The following DNAH9 variants were observed in gnomAD, a reference collection of about 807,000 sequenced individuals.
DNAH9 encodes the protein dynein axonemal heavy chain 9, also known as DNAH9 variant protein.
Under a neutral mutation model 471.6 loss-of-function variants are expected in DNAH9, and 345 were observed. That is an observed-to-expected ratio of 0.73 (90% confidence interval 0.67 to 0.80). The LOEUF is 0.80. Among genes scored for constraint, DNAH9 ranks in the 30% least tolerant of loss-of-function variants. The pLI, the probability that DNAH9 is intolerant of heterozygous loss-of-function variation, is 0.00. For missense variants in DNAH9, 5,407 were observed against 5,609.2 expected (o/e 0.96, Z 1.15); for synonymous variants, 2,093 against 2,123.6 (o/e 0.99, Z 0.40).
At chr17:11,663,035 G>T (rs996411249) in intron 14 of DNAH9, among the ~76,000 whole-genome samples, 2 of 151,718 alleles carry the variant, frequency 1.3e-5, no homozygotes, top group Non-Finnish European at 2.9e-5. Context: ...GATTACAGGC[G>T]TGAGCCACCG....
At position 11,733,860 on chromosome 17, in the gene DNAH9, CAAAAAAA is replaced by C. The variant is rs57515310; in HGVS notation, c.5815-5007_5815-5001del. Among the ~76,000 whole-genome samples, 371 of 113,142 alleles carry C rather than the reference CAAAAAAA, an allele frequency of 3.3e-3. 3 individuals carry two copies. The highest frequency in any genetic ancestry group is 0.012 in the African/African-American group (340 of 27,202). 74.2% of individuals were successfully genotyped at this position (113,142 alleles called of 152,430 possible). A position where few individuals can be genotyped will look rare whatever the true frequency, so the allele number is the denominator to read the frequency against. On this transcript the variant is annotated intron_variant, in intron 28 of 68. Coordinates refer to ENST00000262442, the MANE Select transcript of DNAH9 (RefSeq NM_001372.4). ...TGGGCAACAGAGCAAGACTCCATCT[CAAAAAAA>C]AAAAAAAAAAAAGTAAAACCTGGGC...
Position 11,781,040 on chromosome 17 carries a change from T to C in DNAH9, c.7584T>C (p.Ala2528=). 6.2e-7 allele frequency: 1 copy of C among 1,614,148 alleles called. No individual in the cohort carries two copies. Among genetic ancestry groups the C allele is most frequent in the Non-Finnish European group, 8.5e-7 (1 of 1,180,008 alleles). ...AVLEKPLEKK[A]GRNYGPPGNK... ...TGGAGAAGCCTCTGGAAAAGAAGGC[T>C]GGCAGAAACTATGGCCCTCCAGGGA... is the stretch of plus-strand genomic sequence containing the variant. The change falls in exon 39 of 69, where the codon GCT becomes GCC. Residue 2528 remains alanine (A), a synonymous_variant. Coordinates refer to ENST00000262442, the MANE Select transcript of DNAH9 (RefSeq NM_001372.4).
intron 61 of DNAH9, among the ~76,000 whole-genome samples, chr17:11,915,013 T>G (rs1043063662): frequency 2.0e-5 from 3 of 152,206 alleles, no homozygotes; most frequent in African/African-American, 7.2e-5. Flanking sequence ...TTAGTTCTAT[T>G]GATTCCACCT....
At chr17:11,805,804 T>C (rs1260151172) in intron 43 of DNAH9, among the ~76,000 whole-genome samples, 2 of 152,116 alleles carry the variant, frequency 1.3e-5, no homozygotes, top group East Asian at 3.9e-4. Context: ...CCCCCCACCT[T>C]GGCTTCCCAA....
intron 50 of DNAH9, among the ~76,000 whole-genome samples, chr17:11,861,950 A>AT (rs1406616548): frequency 1.3e-5 from 2 of 150,574 alleles, no homozygotes; most frequent in Non-Finnish European, 3.0e-5. Flanking sequence ...GGTTGCAAAA[A>AT]TTTTCTCCCA....
intron 22 of DNAH9, among the ~76,000 whole-genome samples, chr17:11,694,757 C>T (rs374839827): frequency 0.011 from 27 of 2,564 alleles, 6 homozygotes; most frequent in African/African-American, 0.014. Context: ...TCTTTCCTTC[C>T]TTCCTTCCTT....
In DNAH9 at chr17:11,704,453, A is replaced by G. The variant is rs368185091; in HGVS notation, c.5391+11A>G. 27 of 1,611,588 alleles carry G rather than the reference A, an allele frequency of 1.7e-5. No homozygotes were observed. In the African/African-American group the frequency reaches 1.7e-4, roughly 10 times the overall value. On this transcript the variant is annotated intron_variant, in intron 25 of 68. Coordinates refer to ENST00000262442, the MANE Select transcript of DNAH9 (RefSeq NM_001372.4). Reference sequence around the variant, plus strand: ...ATGATTGCTCAGAAGGTGGGTCCCAAACATCCAGGGATGCCCACTTTTGTG... The same window carrying G: ...ATGATTGCTCAGAAGGTGGGTCCCAGACATCCAGGGATGCCCACTTTTGTG...
In DNAH9 at chr17:11,918,633, C is replaced by T. The variant is rs371232707; in HGVS notation, c.11750-5181C>T. Among the ~76,000 whole-genome samples the T allele has an allele frequency of 9.2e-5, 14 of 152,100 alleles. 1 individual carries two copies. Among genetic ancestry groups the T allele is most frequent in the African/African-American group, 3.1e-4 (13 of 41,484 alleles). ...TGGAGTATTGTTTTTTTGTGGTGAGCGAAACTGATTTGTGCATGTGCTGGG... is the reference window on the plus strand; with the variant it reads ...TGGAGTATTGTTTTTTTGTGGTGAGTGAAACTGATTTGTGCATGTGCTGGG... On this transcript the variant is annotated intron_variant, in intron 61 of 68. Coordinates refer to ENST00000262442, the MANE Select transcript of DNAH9 (RefSeq NM_001372.4).
intron 61 of DNAH9, among the ~76,000 whole-genome samples, chr17:11,922,052 A>G (rs1267385375): frequency 6.6e-6 from 1 of 152,240 alleles, no homozygotes; most frequent in Non-Finnish European, 1.5e-5. Flanking sequence ...CAAAGCTGAC[A>G]TCAAATGTTT....
chr17:11,637,866 G>A (rs146957021), intron 9 of DNAH9, among the ~76,000 whole-genome samples: 4 of 152,174 alleles, frequency 2.6e-5, no homozygotes, highest in Non-Finnish European at 4.4e-5. Flanking sequence ...AAGATGCATC[G>A]TGAGTGGGAG....
At chr17:11,737,366 G>A (rs2075365259) in intron 28 of DNAH9, among the ~76,000 whole-genome samples, 1 of 108,298 alleles carries the variant, frequency 9.2e-6, no homozygotes, top group Admixed American at 1.4e-4. Flanking sequence ...CAACCCTACA[G>A]CCCCATTTCC....
chr17:11,625,417 T>C (rs2072951907), intron 6 of DNAH9, among the ~76,000 whole-genome samples: 1 of 152,226 alleles, frequency 6.6e-6, no homozygotes, highest in Non-Finnish European at 1.5e-5. Context: ...TCTTCCCTTT[T>C]AGCCCGGCTT....
Position 11,809,087 on chromosome 17 carries a change from C to G in DNAH9, c.8584-1159C>G, listed in dbSNP as rs141431718. On this transcript the variant is annotated intron_variant, in intron 44 of 68. Coordinates refer to ENST00000262442, the MANE Select transcript of DNAH9 (RefSeq NM_001372.4). ...ATGGCTGAGCTTGGGGAGGTTGATACACCAAAGGAACTGAGATTGATCAAG... is the reference window on the plus strand; with the variant it reads ...ATGGCTGAGCTTGGGGAGGTTGATAGACCAAAGGAACTGAGATTGATCAAG... Among the ~76,000 whole-genome samples, 9 of 152,262 alleles carry G rather than the reference C, an allele frequency of 5.9e-5. 1 individual carries two copies. Among genetic ancestry groups the G allele is most frequent in the African/African-American group, 2.2e-4 (9 of 41,534 alleles).
intron 6 of DNAH9, chr17:11,620,051 A>G: frequency 2.2e-6 from 1 of 444,484 alleles, no homozygotes; most frequent in South Asian, 2.7e-5. Context: ...TCTCTACAAA[A>G]AATACAACAA....
chr17:11,636,515 C>A, intron 8 of DNAH9, 119 bp from the exon 9 acceptor site: 1 of 698,556 alleles, frequency 1.4e-6, no homozygotes, highest in Non-Finnish European at 2.5e-6. Context: ...CACAATAACA[C>A]TGTTCACTCT....
Position 11,690,470 on chromosome 17 carries a change from C to A in DNAH9, c.4614+34C>A, listed in dbSNP as rs370359639. 20 of 1,591,192 alleles carry A rather than the reference C, an allele frequency of 1.3e-5. No homozygotes were observed. In the African/African-American group the frequency reaches 2.3e-4, roughly 18 times the overall value. On this transcript the variant is annotated intron_variant, in intron 20 of 68. Coordinates refer to ENST00000262442, the MANE Select transcript of DNAH9 (RefSeq NM_001372.4). ...TAAGGAAATCTAGAATCTCTCTATT[C>A]TCTGATCCAGGGTGAAGGGAAGGTC... is the stretch of plus-strand genomic sequence containing the variant.
At chr17:11,651,358 A>G (rs767393964) in intron 13 of DNAH9, 34 bp downstream of exon 13, 15 of 1,587,330 alleles carry the variant, frequency 9.4e-6, no homozygotes, top group Admixed American at 3.5e-5. Context: ...TGACAAAAAC[A>G]TGGAGATTCG....
At chr17:11,705,859 G>A (rs1338890276) in intron 26 of DNAH9, among the ~76,000 whole-genome samples, 8 of 152,072 alleles carry the variant, frequency 5.3e-5, no homozygotes, top group Non-Finnish European at 1.0e-4. Context: ...TGTCAAATAT[G>A]TATCAATTTA....
At chr17:11,822,411 G>A (rs1480596019) in intron 46 of DNAH9, 27 bp from the exon 47 acceptor site, 7 of 1,613,272 alleles carry the variant, frequency 4.3e-6, no homozygotes, top group Non-Finnish European at 5.9e-6. Context: ...TGCCTTCCTG[G>A]TTCTCCCCAC....
Sources: gnomAD v4.1 joint callset for allele counts (sites outside exome capture counted in the v4.1 genomes callset) on GRCh38, gnomAD v4.1.1 for gene constraint, MANE v1.5 for transcripts, NCBI Gene and HGNC (gene_info 2026-07-23, HGNC 2026-07-21) for gene names.